Variants in NAV1 observed in about 807,000 individuals in gnomAD.
NAV1 encodes pore membrane and/or filament interacting like protein 3.
NAV1 carries 18 observed loss-of-function variants against 175.2 expected under a neutral mutation model. The observed-to-expected ratio is 0.10, with a 90% CI of 0.07 to 0.15. The LOEUF is 0.15. NAV1 is among the 10% of genes least tolerant of loss of function. NAV1 has a pLI of 1.00. For missense variants in NAV1, 1,731 were observed against 2,436.6 expected (o/e 0.71, Z 6.10); for synonymous variants, 897 against 978.7 (o/e 0.92, Z 1.56).
chr1:201,782,621 C>T lies in NAV1; in HGVS notation c.2109C>T (p.Leu703=), dbSNP rs1676404396. Residue 703 remains leucine (L), a synonymous_variant, in exon 6 of 30, where the codon CTC becomes CTT. Coordinates refer to ENST00000367296, the Ensembl canonical transcript of NAV1. This position sits in a 1 kb window ranked among gnomAD's most constrained non-coding sequence, Gnocchi z 5.4. ...GCAGCAGCATTGACCCCAGTCTCCT[C>T]AGCACCAAGCAGGGAGGCCTTACGC... 2 of 1,614,102 alleles carry T rather than the reference C, an allele frequency of 1.2e-6. No individual in the cohort carries two copies. The highest frequency in any genetic ancestry group is 1.7e-6 in the Non-Finnish European group (2 of 1,180,010).
At chr1:201,567,380 G>A (rs1434709561) in intron 1 of NAV1, among the ~76,000 whole-genome samples, 6 of 152,320 alleles carry the variant, frequency 3.9e-5, no homozygotes, top group Admixed American at 6.5e-5. Flanking sequence ...GTTGGAGCCC[G>A]CGCTGTAGGA....
intron 1 of NAV1, among the ~76,000 whole-genome samples, chr1:201,573,245 C>G (rs984971441): frequency 6.6e-6 from 1 of 152,256 alleles, no homozygotes; most frequent in Non-Finnish European, 1.5e-5. Context: ...CCACAGGGAG[C>G]TGACCCTGGA....
At chr1:201,650,605 A>G (rs976556779) in intron 1 of NAV1, among the ~76,000 whole-genome samples, 1 of 152,190 alleles carries the variant, frequency 6.6e-6, no homozygotes, top group Admixed American at 6.5e-5. Context: ...GGTGGGGAAC[A>G]TGCAAGAGCT....
At chr1:201,675,788 G>A (rs544634627) in intron 1 of NAV1, among the ~76,000 whole-genome samples, 1 of 152,266 alleles carries the variant, frequency 6.6e-6, no homozygotes, top group East Asian at 1.9e-4. Context: ...CTGGCCTCCT[G>A]AGGCAACGAA....
At chr1:201,610,954 G>A (rs1213464860) in intron 2 of NAV1, among the ~76,000 whole-genome samples, 1 of 152,066 alleles carries the variant, frequency 6.6e-6, no homozygotes, top group Non-Finnish European at 1.5e-5. Flanking sequence ...TGGGCCCTGG[G>A]GGTGGCGAAG....
At chr1:201,789,131 C>T (rs187740877) in intron 10 of NAV1, among the ~76,000 whole-genome samples, 2 of 152,270 alleles carry the variant, frequency 1.3e-5, no homozygotes, top group African/African-American at 4.8e-5. Context: ...GGTGTTAGTA[C>T]TGATCAGAGC....
At chr1:201,544,175 A>G (rs957404093) in intron 1 of NAV1, among the ~76,000 whole-genome samples, 1 of 152,184 alleles carries the variant, frequency 6.6e-6, no homozygotes, top group African/African-American at 2.4e-5. Context: ...CCAGAGATTC[A>G]GCTTCACTTG....
chr1:201,739,638 T>C (rs914892187), intron 3 of NAV1: 35 of 288,454 alleles, frequency 1.2e-4, no homozygotes, highest in African/African-American at 6.0e-4. Context: ...GGGGTTAATT[T>C]CGGAGCAGCC....
At chr1:201,798,992 G>A (rs377358740) in intron 15 of NAV1, among the ~76,000 whole-genome samples, 9 of 151,798 alleles carry the variant, frequency 5.9e-5, no homozygotes, top group African/African-American at 2.2e-4. Flanking sequence ...ATGAGCCACC[G>A]TGTCCAGCCA....
intron 3 of NAV1, among the ~76,000 whole-genome samples, chr1:201,774,089 T>C (rs1179898412): frequency 6.6e-6 from 1 of 152,242 alleles, no homozygotes; most frequent in Admixed American, 6.5e-5. Context: ...TTTGTTGTTT[T>C]CACCTCCTCG....
intron 2 of NAV1, among the ~76,000 whole-genome samples, chr1:201,715,766 T>C (rs1340156735): frequency 1.3e-5 from 2 of 152,234 alleles, no homozygotes; most frequent in African/African-American, 2.4e-5. Flanking sequence ...CCAGGATAAC[T>C]GGATTCCATT....
chr1:201,709,348 A>G (rs183821917), intron 1 of NAV1, among the ~76,000 whole-genome samples: 1 of 152,244 alleles, frequency 6.6e-6, no homozygotes, highest in East Asian at 1.9e-4. Flanking sequence ...GAGGTGAAGT[A>G]AATTCCCTTG....
At chr1:201,801,088 A>G (rs1262772088) in intron 15 of NAV1, among the ~76,000 whole-genome samples, 5 of 152,114 alleles carry the variant, frequency 3.3e-5, no homozygotes, top group East Asian at 1.9e-4. Flanking sequence ...TTGGCCTCCC[A>G]AAGTGCTGGG....
At chr1:201,604,720 GA>G (rs1464382283) in intron 2 of NAV1, among the ~76,000 whole-genome samples, 1 of 137,636 alleles carries the variant, frequency 7.3e-6, no homozygotes, top group Non-Finnish European at 1.6e-5. Context: ...AGAAAGGAAA[GA>G]AAGAGAAAGA....
chr1:201,771,386 C>A (rs1353472344), intron 3 of NAV1, among the ~76,000 whole-genome samples: 1 of 151,008 alleles, frequency 6.6e-6, no homozygotes. Flanking sequence ...TGGCAGGCAC[C>A]TGTAATCCTA....
intron 1 of NAV1, among the ~76,000 whole-genome samples, chr1:201,661,798 C>G (rs1669624654): frequency 6.6e-6 from 1 of 152,194 alleles, no homozygotes; most frequent in Admixed American, 6.5e-5. Flanking sequence ...GATTTCTAGA[C>G]TAGATTTCCC....
At chr1:201,639,027 T>C (rs554459685) in intron 2 of NAV1, among the ~76,000 whole-genome samples, 21 of 152,100 alleles carry the variant, frequency 1.4e-4, no homozygotes, top group African/African-American at 4.8e-4. Flanking sequence ...TGCGATGGGG[T>C]AGTCATAAGG....
intron 1 of NAV1, among the ~76,000 whole-genome samples, chr1:201,544,322 C>T (rs974699724): frequency 2.0e-5 from 3 of 152,224 alleles, no homozygotes; most frequent in African/African-American, 4.8e-5. Flanking sequence ...CTTTCAATGA[C>T]GCAATTCCCT....
chr1:201,783,648 G>A (rs770796240), exon 7 of NAV1: 8 of 1,614,192 alleles, frequency 5.0e-6, no homozygotes, highest in Non-Finnish European at 6.8e-6. Flanking sequence ...AGTGGTTTCA[G>A]TGTGCCAAAA....
Sources: gnomAD v4.1 joint callset for allele counts (sites outside exome capture counted in the v4.1 genomes callset) on GRCh38, gnomAD v4.1.1 for gene constraint, Gnocchi (gnomAD v3.1) non-coding constraint, MANE v1.5 for transcripts, NCBI Gene and HGNC (gene_info 2026-07-23, HGNC 2026-07-21) for gene names.